The following DGKK variants were observed in gnomAD, a reference collection of about 807,000 sequenced individuals.
The protein encoded by DGKK is diacylglycerol kinase kappa.
In DGKK, 35 loss-of-function variants were observed where a neutral mutation model predicts 92.2. The ratio of observed to expected loss-of-function variants is 0.38; its 90% confidence interval spans 0.29 to 0.50. DGKK has a LOEUF of 0.50. Among genes scored for constraint, DGKK ranks in the 20% least tolerant of loss-of-function variants. The probability of loss-of-function intolerance (pLI) is 0.92; values close to 1 mark genes in which losing one functional copy is unlikely to be tolerated. For missense variants in DGKK, 910 were observed against 992.2 expected (o/e 0.92, Z 1.11); for synonymous variants, 368 against 360.6 (o/e 1.02, Z -0.23).
Position 50,382,500 on chromosome X carries a change from A to G in DGKK, c.2653T>C (p.Tyr885His). 8.3e-7 allele frequency: 1 copy of G among 1,200,734 alleles called. No individual in the cohort carries two copies. Among genetic ancestry groups the G allele is most frequent in the Non-Finnish European group, 1.1e-6 (1 of 888,047 alleles). The change falls in exon 18 of 28, where the codon TAC becomes CAC. Residue 885 changes from tyrosine (Y) to histidine (H), a missense_variant. By Grantham distance (83) the Tyr-to-His change is moderately conservative (BLOSUM62 2). Transcript: ENST00000611977. ...AAGGGAGTTTCTTTTCCTTACTTGTATTGCCCTGGGTGTTCATCTCTTCTG... is the reference window on the plus strand; with the variant it reads ...AAGGGAGTTTCTTTTCCTTACTTGTGTTGCCCTGGGTGTTCATCTCTTCTG... ...NTRRDEHPGQ[Y>H]NSRLKNKMWY...
chrX:50,422,870 G>T (rs1304976199), intron 2 of DGKK, among the ~76,000 whole-genome samples: 1 of 112,277 alleles, frequency 8.9e-6, no homozygotes, highest in Admixed American at 9.4e-5. Flanking sequence ...TCTAACTAGA[G>T]TCCTAGAGAA....
At chrX:50,373,233 G>A (rs1345642284) in intron 25 of DGKK, among the ~76,000 whole-genome samples, 2 of 111,842 alleles carry the variant, frequency 1.8e-5, no homozygotes, top group Non-Finnish European at 3.8e-5. Context: ...CTTCTTCAAG[G>A]GGAGGAATAA....
Position 50,371,950 on chromosome X carries a change from G to A in DGKK, c.3502-116C>T, listed in dbSNP as rs782022116. On this transcript the variant is annotated intron_variant, in intron 25 of 27. Transcript: ENST00000611977. ...CCAAGAGACCACAAGGTGCCAACTTGTATCCCTTTGGCCCATAGCCAGCTG... is the reference window on the plus strand; with the variant it reads ...CCAAGAGACCACAAGGTGCCAACTTATATCCCTTTGGCCCATAGCCAGCTG... 2.2e-5 allele frequency: 10 copies of A among 452,784 alleles called. No individual in the cohort carries two copies. In the East Asian group the frequency reaches 3.6e-4, roughly 16 times the overall value. 37.3% of individuals were successfully genotyped at this position (452,784 alleles called of 1,213,427 possible).
chrX:50,470,756 A>T lies in DGKK; in HGVS notation c.-78T>A. On this transcript the variant is annotated 5_prime_UTR_variant, in exon 1 of 28. Transcript: ENST00000611977. ...TAAAGTACCCTCGGGCGCCCCGCCC[A>T]CTCCAGTCCGGCAGCCCCTCGCAGG... 1.9e-6 allele frequency: 2 copies of T among 1,039,819 alleles called. No individual in the cohort carries two copies. The highest frequency in any genetic ancestry group is 2.5e-6 in the Non-Finnish European group (2 of 801,995). 85.7% of individuals were successfully genotyped at this position (1,039,819 alleles called of 1,213,427 possible). A position where few individuals can be genotyped will look rare whatever the true frequency, so the allele number is the denominator to read the frequency against.
At chrX:50,408,598 T>C (rs1436416822) in intron 4 of DGKK, among the ~76,000 whole-genome samples, 2 of 110,245 alleles carry the variant, frequency 1.8e-5, no homozygotes, top group East Asian at 5.8e-4. Context: ...TTAGCCAGGA[T>C]GGTCTCGATC....
chrX:50,414,500 A>T (rs1925383004), intron 4 of DGKK, among the ~76,000 whole-genome samples: 1 of 111,828 alleles, frequency 8.9e-6, no homozygotes, highest in African/African-American at 3.2e-5. Flanking sequence ...TTAATAATTT[A>T]AAAAATGAAA....
rs12008473 is a variant in DGKK at position 50,464,466 on chromosome X, T to A, written c.645+5568A>T. On this transcript the variant is annotated intron_variant, in intron 1 of 27. Transcript: ENST00000611977. The stretch of plus-strand genomic sequence containing the variant: ...ATCCTTTAATATTTCTTTCTTTTTT[T>A]AATTAAAATGTGTGTATCTAGAGGG... Among the ~76,000 whole-genome samples, 535 of 110,730 alleles carry A rather than the reference T, an allele frequency of 4.8e-3. 5 individuals are homozygous for A. Among genetic ancestry groups the A allele is most frequent in the African/African-American group, 0.016 (503 of 30,499 alleles).
intron 2 of DGKK, among the ~76,000 whole-genome samples, chrX:50,423,732 ATTCT>A (rs1451051331): frequency 8.9e-6 from 1 of 111,900 alleles, no homozygotes; most frequent in Admixed American, 9.5e-5. Context: ...AATTTTAGTG[ATTCT>A]TTATTTGAAT....
At chrX:50,375,092 A>G (rs1288359944) in intron 24 of DGKK, 35 bp from the exon 25 acceptor site, 1 of 1,098,577 alleles carries the variant, frequency 9.1e-7, no homozygotes, top group Non-Finnish European at 1.3e-6. Flanking sequence ...AGAGAAAAAG[A>G]CAAAGACAGG....
In DGKK at chrX:50,379,627, C is replaced by G. The variant is rs782426023; in HGVS notation, c.2862G>C (p.Thr954=). 8.3e-7 allele frequency: 1 copy of G among 1,202,567 alleles called. No individual in the cohort carries two copies. ...TCCCCATTCCTTGTTCCATACTAAC[C>G]GTGGTTGCTGTGTTGCTTCCCCAGA... ...INFWGSNTAT[T]EYEAPAIDDG... is the part of the protein sequence containing the mutation. Residue 954 remains threonine, a splice_region_variant and synonymous_variant, in exon 20 of 28, where the codon ACG becomes ACC. Coordinates refer to ENST00000611977, the MANE Select transcript of DGKK (RefSeq NM_001013742.4).
chrX:50,468,474 G>A (rs1926965988), intron 1 of DGKK, among the ~76,000 whole-genome samples: 1 of 111,342 alleles, frequency 9.0e-6, no homozygotes, highest in Admixed American at 9.4e-5. Flanking sequence ...ATCACTGCAG[G>A]AAAGGGTATT....
chrX:50,455,170 C>T (rs1245474233), intron 1 of DGKK, among the ~76,000 whole-genome samples: 3 of 112,125 alleles, frequency 2.7e-5, no homozygotes, highest in African/African-American at 6.5e-5. Flanking sequence ...TTTTAAGGAG[C>T]TTATTATTCA....
intron 21 of DGKK, 61 bp downstream of exon 21, chrX:50,378,517 C>T (rs1488266296): frequency 7.0e-6 from 7 of 996,416 alleles, no homozygotes; most frequent in Non-Finnish European, 7.0e-6. Flanking sequence ...GACTATCCCA[C>T]ATCCTGGGTA....
intron 1 of DGKK, 101 bp downstream of exon 1, chrX:50,469,933 C>T: frequency 9.2e-7 from 1 of 1,090,193 alleles, no homozygotes; most frequent in Non-Finnish European, 1.2e-6. Context: ...CAGCCAGTGC[C>T]AGACAAGCGG....
chrX:50,371,763 T>G lies in DGKK; in HGVS notation c.3573A>C (p.Leu1191=), dbSNP rs149296012. ...LDAMNKEFKK[L]SEIDWMNPIF... is the part of the protein sequence containing the mutation. ...TTGGATTCATCCAGTCAATCTCAGA[T>G]AGCTTTTTGAACTCCTTATTCATGG... Residue 1191 remains leucine, a synonymous_variant, in exon 26 of 28, where the codon CTA becomes CTC. Transcript: ENST00000611977. 3 of 1,206,191 alleles carry G rather than the reference T, an allele frequency of 2.5e-6. No homozygotes were observed. In the African/African-American group the frequency reaches 5.3e-5, roughly 21 times the overall value.
rs187042167 is a variant in DGKK at position 50,401,259 on chromosome X, G to A, written c.1309-120C>T. ...CTTAGTATTTAATCTCCCTTTCTGAGATTTGGTGCCATACATATATCCCTA... is the reference window on the plus strand; with the variant it reads ...CTTAGTATTTAATCTCCCTTTCTGAAATTTGGTGCCATACATATATCCCTA... On this transcript the variant is annotated intron_variant, in intron 7 of 27. Coordinates refer to ENST00000611977, the MANE Select transcript of DGKK (RefSeq NM_001013742.4). 1.1e-4 allele frequency: 73 copies of A among 654,179 alleles called. No individual in the cohort carries two copies. In the African/African-American group the frequency reaches 1.5e-3, roughly 13 times the overall value. The allele number at this position is 654,179 out of a possible 1,213,427, so 53.9% of individuals were successfully genotyped here.
intron 25 of DGKK, among the ~76,000 whole-genome samples, chrX:50,373,492 C>T (rs782770106): frequency 1.8e-5 from 2 of 111,957 alleles, no homozygotes; most frequent in East Asian, 5.7e-4. Context: ...CGACAAGAGA[C>T]CAAACGCACC....
chrX:50,469,912 A>G, intron 1 of DGKK, 122 bp downstream of exon 1: 2 of 1,054,423 alleles, frequency 1.9e-6, no homozygotes, highest in Non-Finnish European at 2.5e-6. Context: ...CATCTTTCTC[A>G]GCATCTTGGC....
intron 4 of DGKK, 126 bp downstream of exon 4, chrX:50,420,277 C>T (rs782506987): frequency 1.2e-4 from 70 of 572,930 alleles, no homozygotes; most frequent in Non-Finnish European, 1.6e-4. Flanking sequence ...GGTTTTCTGT[C>T]TATAATTCCT....
Sources: gnomAD v4.1 joint callset for allele counts (sites outside exome capture counted in the v4.1 genomes callset) on GRCh38, gnomAD v4.1.1 for gene constraint, MANE v1.5 for transcripts, NCBI Gene and HGNC (gene_info 2026-07-23, HGNC 2026-07-21) for gene names.